The following SLC45A4 variants were observed in gnomAD, a reference collection of about 807,000 sequenced individuals.
SLC45A4 encodes solute carrier family 45 member 4, also known as polyamine-transporter SLC45A4.
Under a neutral mutation model 63.7 loss-of-function variants are expected in SLC45A4, and 32 were observed. The ratio of observed to expected loss-of-function variants is 0.50; its 90% CI spans 0.38 to 0.67. The LOEUF (loss-of-function observed/expected upper bound fraction) is 0.67. Among genes scored for constraint, SLC45A4 ranks in the 30% least tolerant of loss-of-function variants. The pLI is 0.00. For missense variants in SLC45A4, 1,027 were observed against 1,157.7 expected (o/e 0.89, Z 1.64); for synonymous variants, 535 against 510.0 (o/e 1.05, Z -0.66).
chr8:141,275,627 A>G (rs909035270), intron 1 of SLC45A4, among the ~76,000 whole-genome samples: 1 of 152,028 alleles, frequency 6.6e-6, no homozygotes, highest in Non-Finnish European at 1.5e-5. Flanking sequence ...AAAAACAACA[A>G]CAACCATGAA....
At chr8:141,263,508 C>T (rs1829127049) in intron 1 of SLC45A4, among the ~76,000 whole-genome samples, 1 of 151,886 alleles carries the variant, frequency 6.6e-6, no homozygotes, top group African/African-American at 2.4e-5. Context: ...TGGCTCATGC[C>T]TGTAATCCCA....
chr8:141,244,968 G>GGGGGGGGGGGGGGGGGTGGGGC (rs1569558620), intron 2 of SLC45A4, among the ~76,000 whole-genome samples: 1 of 71,836 alleles, frequency 1.4e-5, no homozygotes, highest in Non-Finnish European at 3.6e-5. Flanking sequence ...GGGGGGGGGG[G>GGGGGGGGGGGGGGGGGTGGGGC]GCGGTGTGGA....
chr8:141,221,578 G>C lies in SLC45A4; in HGVS notation c.429C>G (p.Ile143Met), dbSNP rs758143214. Residue 143 changes from isoleucine to methionine, a missense_variant and splice_region_variant, in exon 3 of 9, where the codon ATC becomes ATG. Ile to Met is a conservative substitution (Grantham distance 10, BLOSUM62 1). Transcript: ENST00000517878. ...ACCAGGTGTGGCCGAGAAACTTACCGATGGCAGAGCCGTTAAGGAAAAGTG... is the reference window on the plus strand; with the variant it reads ...ACCAGGTGTGGCCGAGAAACTTACCCATGGCAGAGCCGTTAAGGAAAAGTG... Reference protein sequence around the residue: ...GVALFLNGSAIGLALGDVPNR... With the variant: ...GVALFLNGSAMGLALGDVPNR... 6.2e-7 allele frequency: 1 copy of C among 1,611,408 alleles called. No individual in the cohort carries two copies. Among genetic ancestry groups the C allele is most frequent in the South Asian group, 1.1e-5 (1 of 90,984 alleles).
At position 141,263,348 on chromosome 8, in the gene SLC45A4, A is replaced by G. The variant is rs554496911; in HGVS notation, c.-400-8719T>C. Among the ~76,000 whole-genome samples, 7 of 152,222 alleles carry G rather than the reference A, an allele frequency of 4.6e-5. No homozygotes were observed. In the South Asian group the frequency reaches 1.4e-3, roughly 32 times the overall value. ...CCGGCACATTGTGCACATGTACCCT[A>G]AAACTTAAAGTATAATAATAATAAA... On this transcript the variant is annotated intron_variant, in intron 1 of 8. Transcript: ENST00000517878.
intron 1 of SLC45A4, among the ~76,000 whole-genome samples, chr8:141,282,912 C>T (rs1397808153): frequency 1.3e-5 from 2 of 152,240 alleles, no homozygotes; most frequent in Non-Finnish European, 2.9e-5. Context: ...GCAGGGGTCA[C>T]ACGATGTCAG....
At chr8:141,213,234 G>C (rs1408962415) in intron 7 of SLC45A4, among the ~76,000 whole-genome samples, 1 of 152,180 alleles carries the variant, frequency 6.6e-6, no homozygotes, top group African/African-American at 2.4e-5. Flanking sequence ...GCTAAGCAAT[G>C]TCAAGGTTGA....
chr8:141,306,717 A>G (rs1270224902), intron 1 of SLC45A4, among the ~76,000 whole-genome samples: 1 of 152,212 alleles, frequency 6.6e-6, no homozygotes, highest in African/African-American at 2.4e-5. Flanking sequence ...CTGTCTGCCA[A>G]TGACACAGGA....
chr8:141,295,450 T>C (rs1055988003), intron 1 of SLC45A4, among the ~76,000 whole-genome samples: 1 of 152,230 alleles, frequency 6.6e-6, no homozygotes, highest in Non-Finnish European at 1.5e-5. Context: ...TAACAGCGCA[T>C]CACAGGGCTA....
In SLC45A4 at chr8:141,306,058, G is replaced by C. The variant is rs1308655639; in HGVS notation, c.-401+2038C>G. The stretch of plus-strand genomic sequence containing the variant: ...TAAGCAAAGTTAGAGGGTGTTACAA[G>C]CTGCAAGACACACACCTTGGAGCTC... On this transcript the variant is annotated intron_variant, in intron 1 of 8. Coordinates refer to ENST00000517878, the MANE Select transcript of SLC45A4 (RefSeq NM_001286646.2). 6.8e-5 allele frequency among the ~76,000 whole-genome samples: 10 copies of C among 147,030 alleles called. No homozygotes were observed. The Admixed American group carries it at 7.0e-4, about 10-fold the overall frequency.
At chr8:141,292,495 G>A (rs1228536932) in intron 1 of SLC45A4, among the ~76,000 whole-genome samples, 1 of 152,242 alleles carries the variant, frequency 6.6e-6, no homozygotes, top group Non-Finnish European at 1.5e-5. Context: ...GGCTCCTCGG[G>A]TCCCTCCTCG....
At chr8:141,264,947 A>G (rs1013489505) in intron 1 of SLC45A4, among the ~76,000 whole-genome samples, 7 of 152,346 alleles carry the variant, frequency 4.6e-5, no homozygotes, top group African/African-American at 1.7e-4. Context: ...ATCATGCTGG[A>G]AAGGCCCCTG....
Position 141,253,880 on chromosome 8 carries a change from C to G in SLC45A4, c.241+109G>C. 2.1e-6 allele frequency: 3 copies of G among 1,461,562 alleles called. No individual in the cohort carries two copies. In the South Asian group the frequency reaches 4.1e-5, roughly 20 times the overall value. 90.5% of individuals were successfully genotyped at this position (1,461,562 alleles called of 1,614,324 possible). A position where few individuals can be genotyped will look rare whatever the true frequency, so the allele number is the denominator to read the frequency against. On this transcript the variant is annotated intron_variant, in intron 2 of 8. Transcript: ENST00000517878. Reference sequence around the variant, plus strand: ...GAGAGGAGACAAAGACTCCAGTGCCCGGGGCTCTCCAGGACGCACCATCCT... The same window carrying G: ...GAGAGGAGACAAAGACTCCAGTGCCGGGGGCTCTCCAGGACGCACCATCCT...
intron 1 of SLC45A4, among the ~76,000 whole-genome samples, chr8:141,282,071 G>C (rs1199314158): frequency 2.0e-5 from 3 of 152,194 alleles, no homozygotes; most frequent in Non-Finnish European, 1.5e-5. Context: ...GGGAAGCCCA[G>C]AGCAAATCGA....
At chr8:141,251,449 C>G (rs564974718) in intron 2 of SLC45A4, among the ~76,000 whole-genome samples, 10 of 151,990 alleles carry the variant, frequency 6.6e-5, no homozygotes, top group Admixed American at 6.6e-5. Flanking sequence ...AGCGCCCCCC[C>G]TGCCACAGAG....
chr8:141,232,110 G>A (rs376856096), intron 2 of SLC45A4, among the ~76,000 whole-genome samples: 1 of 152,254 alleles, frequency 6.6e-6, no homozygotes, highest in African/African-American at 2.4e-5. Context: ...GGGTCTTCAG[G>A]GGTGAAGCTG....
At chr8:141,248,573 A>AAT (rs1828325454) in intron 2 of SLC45A4, among the ~76,000 whole-genome samples, 1 of 151,818 alleles carries the variant, frequency 6.6e-6, no homozygotes, top group African/African-American at 2.4e-5. Flanking sequence ...TTAAAAAAAA[A>AAT]AATAATAATA....
intron 1 of SLC45A4, among the ~76,000 whole-genome samples, chr8:141,290,696 C>T (rs1016336786): frequency 2.0e-5 from 3 of 152,234 alleles, no homozygotes; most frequent in Non-Finnish European, 2.9e-5. Context: ...CTCCCATGAA[C>T]GACCAGGTCA....
intron 2 of SLC45A4, among the ~76,000 whole-genome samples, chr8:141,245,523 C>CG (rs942678595): frequency 6.6e-6 from 1 of 152,082 alleles, no homozygotes; most frequent in African/African-American, 2.4e-5. Context: ...AGGGCTGACC[C>CG]GGGGGGCAGC....
At chr8:141,302,772 C>T (rs1010271163) in intron 1 of SLC45A4, among the ~76,000 whole-genome samples, 1 of 152,200 alleles carries the variant, frequency 6.6e-6, no homozygotes, top group Non-Finnish European at 1.5e-5. Context: ...TCCCCCTCGC[C>T]TCGTGTCTAA....
Sources: gnomAD v4.1 joint callset for allele counts (sites outside exome capture counted in the v4.1 genomes callset) on GRCh38, gnomAD v4.1.1 for gene constraint, MANE v1.5 for transcripts, NCBI Gene and HGNC (gene_info 2026-07-23, HGNC 2026-07-21) for gene names.